ZNF385D: variants seen among roughly 807,000 people sequenced by gnomAD.
ZNF385D encodes the protein zinc finger protein 659.
A neutral mutation model predicts 35.8 loss-of-function variants in ZNF385D; 15 were observed. The observed-to-expected ratio is 0.42, with a 90% CI of 0.28 to 0.64. ZNF385D has a LOEUF of 0.64. Among genes scored for constraint, ZNF385D ranks in the 30% least tolerant of loss-of-function variants. The probability of loss-of-function intolerance (pLI) is 0.23; values close to 1 mark genes in which losing one functional copy is unlikely to be tolerated. For synonymous variants in ZNF385D, 212 were observed against 186.8 expected, an observed-to-expected ratio of 1.13 and a Z score of -1.10; for missense variants, 474 against 494.6, an observed-to-expected ratio of 0.96 and a Z score of 0.39.
At chr3:22,120,837 A>G (rs1311464017) in intron 3 of ZNF385D, among the ~76,000 whole-genome samples, 1 of 152,194 alleles carries the variant, frequency 6.6e-6, no homozygotes, top group Non-Finnish European at 1.5e-5. Flanking sequence ...AACCGAAACA[A>G]GCCCTTGAAA....
intron 4 of ZNF385D, among the ~76,000 whole-genome samples, chr3:21,453,097 T>C (rs1702563850): frequency 6.6e-6 from 1 of 150,992 alleles, no homozygotes; most frequent in African/African-American, 2.4e-5. Flanking sequence ...TTAACATGAG[T>C]GACAAGACCA....
At chr3:21,938,214 T>G (rs1239841544) in intron 3 of ZNF385D, among the ~76,000 whole-genome samples, 1 of 152,244 alleles carries the variant, frequency 6.6e-6, no homozygotes, top group South Asian at 2.1e-4. Context: ...AAGTAGGTTT[T>G]GACCCTATAG....
intron 3 of ZNF385D, among the ~76,000 whole-genome samples, chr3:21,975,739 A>ATATG (rs1553711016): frequency 0.016 from 770 of 48,290 alleles, 10 homozygotes; most frequent in Non-Finnish European, 0.021. Flanking sequence ...ATATATATAT[A>ATATG]TATATATATA....
chr3:21,588,176 C>T (rs2063867685), intron 2 of ZNF385D, among the ~76,000 whole-genome samples: 1 of 152,024 alleles, frequency 6.6e-6, no homozygotes, highest in African/African-American at 2.4e-5. Flanking sequence ...AAAACAGAAT[C>T]ATAATTAGAA....
chr3:22,265,376 C>A (rs1700845507), intron 2 of ZNF385D, among the ~76,000 whole-genome samples: 1 of 151,848 alleles, frequency 6.6e-6, no homozygotes, highest in Non-Finnish European at 1.5e-5. Context: ...CATGAAATTA[C>A]AAAAAATTTT....
intron 3 of ZNF385D, among the ~76,000 whole-genome samples, chr3:22,010,945 C>T (rs959907023): frequency 5.9e-5 from 9 of 152,072 alleles, no homozygotes; most frequent in African/African-American, 2.2e-4. Flanking sequence ...ATCATCTACT[C>T]AGAACCAAAG....
intron 3 of ZNF385D, among the ~76,000 whole-genome samples, chr3:21,810,255 T>A (rs1678370178): frequency 6.6e-6 from 1 of 151,526 alleles, no homozygotes; most frequent in African/African-American, 2.4e-5. Flanking sequence ...TCAGTGAATC[T>A]AAAGACAGAA....
rs1162229127 is a variant in ZNF385D at position 21,421,383 on chromosome 3, A to G, written c.1019T>C (p.Leu340Pro). ...TGCTGCTGCGGCTGCTGCAGCTGCT[A>G]GAGGATTTGGTAGAATTCGTGGAGC... is the stretch of plus-strand genomic sequence containing the variant. ...PLAPRILPNP[L>P]AAAAAAAAVA... The change falls in exon 8 of 8, where the codon CTA (leucine) becomes CCA (proline). Residue 340 changes from leucine (L) to proline (P), a missense_variant. Physicochemically the swap from Leu to Pro is moderately conservative, Grantham distance 98. Transcript: ENST00000281523. The G allele has an allele frequency of 1.2e-6, 2 of 1,613,618 alleles. No individual in the cohort carries two copies. The highest frequency in any genetic ancestry group is 1.7e-6 in the Non-Finnish European group (2 of 1,179,842).
At chr3:21,907,172 T>C (rs1419223626) in intron 3 of ZNF385D, among the ~76,000 whole-genome samples, 1 of 152,140 alleles carries the variant, frequency 6.6e-6, no homozygotes, top group Non-Finnish European at 1.5e-5. Flanking sequence ...AATCTTAGTT[T>C]TTCTTACATT....
intron 2 of ZNF385D, among the ~76,000 whole-genome samples, chr3:21,569,759 G>A (rs1392972656): frequency 6.6e-6 from 1 of 151,506 alleles, no homozygotes; most frequent in Non-Finnish European, 1.5e-5. Context: ...TCCTTTGTAG[G>A]GACATGGATG....
intron 3 of ZNF385D, among the ~76,000 whole-genome samples, chr3:22,033,388 C>T (rs1000310988): frequency 4.2e-5 from 6 of 143,456 alleles, no homozygotes; most frequent in African/African-American, 1.6e-4. Flanking sequence ...GGTGACAGAG[C>T]AAGGCTGGCT....
chr3:22,101,083 G>C lies in ZNF385D; in HGVS notation c.325+67734C>G, dbSNP rs544650981. 6.1e-4 allele frequency among the ~76,000 whole-genome samples: 93 copies of C among 152,012 alleles called. 1 individual carries two copies. Among genetic ancestry groups the C allele is most frequent in the South Asian group, 1.5e-3 (7 of 4,820 alleles). The stretch of plus-strand genomic sequence containing the variant: ...AGCAAGAAGTTAATGAAAACTTAGA[G>C]AAAATGAGATTTTGTCGAATTCTAA... On this transcript the variant is annotated intron_variant, in intron 3 of 5. Coordinates refer to the ZNF385D transcript ENST00000494108.
intron 3 of ZNF385D, among the ~76,000 whole-genome samples, chr3:22,137,243 C>G (rs1181584181): frequency 6.6e-6 from 1 of 152,240 alleles, no homozygotes. Flanking sequence ...ACCAGAGGTA[C>G]AAGGAGGAGC....
At chr3:21,654,341 A>C (rs2066009202) in intron 2 of ZNF385D, among the ~76,000 whole-genome samples, 1 of 152,080 alleles carries the variant, frequency 6.6e-6, no homozygotes, top group Non-Finnish European at 1.5e-5. Flanking sequence ...AGAAAGGCAA[A>C]ATGCAAGTTA....
chr3:22,256,072 T>C (rs1700298904), intron 2 of ZNF385D, among the ~76,000 whole-genome samples: 1 of 151,706 alleles, frequency 6.6e-6, no homozygotes, highest in African/African-American at 2.4e-5. Context: ...AGTCTACATC[T>C]TTCTCCCATG....
At chr3:22,119,410 T>C (rs1702971973) in intron 3 of ZNF385D, among the ~76,000 whole-genome samples, 2 of 152,206 alleles carry the variant, frequency 1.3e-5, no homozygotes, top group South Asian at 4.1e-4. Flanking sequence ...AATCTTAAAA[T>C]GTTATATTTA....
chr3:22,370,660 T>C (rs542775053), intron 2 of ZNF385D, among the ~76,000 whole-genome samples: 1 of 152,328 alleles, frequency 6.6e-6, no homozygotes, highest in Non-Finnish European at 1.5e-5. Flanking sequence ...AATCTTGGAT[T>C]ACAAAACACT....
chr3:21,628,356 TTAAC>T (rs2065190700), intron 2 of ZNF385D, among the ~76,000 whole-genome samples: 1 of 152,216 alleles, frequency 6.6e-6, no homozygotes, highest in Admixed American at 6.6e-5. Context: ...GGAGAAAACA[TTAAC>T]TAACTGGCAG....
intron 3 of ZNF385D, among the ~76,000 whole-genome samples, chr3:22,128,680 G>T (rs1703593558): frequency 6.6e-6 from 1 of 151,922 alleles, no homozygotes; most frequent in Non-Finnish European, 1.5e-5. Flanking sequence ...TCTTCAATTT[G>T]TCAATTGAAT....
Sources: gnomAD v4.1 joint callset for allele counts (sites outside exome capture counted in the v4.1 genomes callset) on GRCh38, gnomAD v4.1.1 for gene constraint, MANE v1.5 for transcripts, NCBI Gene and HGNC (gene_info 2026-07-23, HGNC 2026-07-21) for gene names.